The following CCDC85A variants were observed in gnomAD, a reference collection of about 807,000 sequenced individuals.
The protein encoded by CCDC85A is coiled-coil domain-containing protein 85A.
Under a neutral mutation model 50.2 loss-of-function variants are expected in CCDC85A, and 38 were observed. The ratio of observed to expected loss-of-function variants is 0.76; its 90% CI spans 0.58 to 0.99. The LOEUF (loss-of-function observed/expected upper bound fraction) is 0.99. CCDC85A is among the 50% of genes least tolerant of loss of function. CCDC85A has a pLI of 0.00. For missense variants in CCDC85A, 820 were observed against 742.0 expected (o/e 1.11, Z -1.22); for synonymous variants, 366 against 301.4 (o/e 1.21, Z -2.22).
At chr2:56,364,955 C>A (rs1443368621) in intron 3 of CCDC85A, among the ~76,000 whole-genome samples, 1 of 152,166 alleles carries the variant, frequency 6.6e-6, no homozygotes, top group Non-Finnish European at 1.5e-5. Flanking sequence ...TCAATCTGTC[C>A]ACCACCAATC....
At chr2:56,294,265 C>T (rs762076791) in intron 2 of CCDC85A, among the ~76,000 whole-genome samples, 1 of 152,018 alleles carries the variant, frequency 6.6e-6, no homozygotes, top group African/African-American at 2.4e-5. Flanking sequence ...AGGAGGAGAA[C>T]AATACACACT....
intron 2 of CCDC85A, among the ~76,000 whole-genome samples, chr2:56,265,717 T>G (rs367981887): frequency 1.3e-5 from 2 of 152,120 alleles, no homozygotes; most frequent in East Asian, 1.9e-4. Context: ...AGTACAGACA[T>G]TATGGAAAAC....
At chr2:56,311,394 A>C (rs1046024375) in intron 2 of CCDC85A, among the ~76,000 whole-genome samples, 9 of 151,720 alleles carry the variant, frequency 5.9e-5, no homozygotes, top group Admixed American at 2.0e-4. Context: ...TTTTTTAGCT[A>C]TTCTGGTGAG....
intron 2 of CCDC85A, among the ~76,000 whole-genome samples, chr2:56,211,066 A>G (rs929519697): frequency 6.6e-6 from 1 of 152,052 alleles, no homozygotes; most frequent in Non-Finnish European, 1.5e-5. Flanking sequence ...TTATCTGACC[A>G]TTGTCAAGAG....
intron 5 of CCDC85A, among the ~76,000 whole-genome samples, chr2:56,380,485 A>T (rs550509549): frequency 6.6e-6 from 1 of 151,438 alleles, no homozygotes; most frequent in Non-Finnish European, 1.5e-5. Flanking sequence ...GCTTTAGCCC[A>T]GGAGTTTGAG....
chr2:56,336,039 C>T (rs1021638297), intron 2 of CCDC85A, among the ~76,000 whole-genome samples: 2 of 152,160 alleles, frequency 1.3e-5, no homozygotes, highest in Non-Finnish European at 2.9e-5. Context: ...AAGGGATAAA[C>T]AGTCAAGCCA....
In CCDC85A at chr2:56,336,453, C is replaced by G. The variant is rs142279895; in HGVS notation, c.1241-6426C>G. Among the ~76,000 whole-genome samples the G allele has an allele frequency of 2.1e-3, 318 of 152,270 alleles. 2 individuals are homozygous for G. Among genetic ancestry groups the G allele is most frequent in the African/African-American group, 7.0e-3 (292 of 41,542 alleles). The stretch of plus-strand genomic sequence containing the variant: ...GTAGGTGCAAGCCAGTGTGCCCAGC[C>G]TCCTCTTATACACTCTTAAAAATGC... On this transcript the variant is annotated intron_variant, in intron 2 of 5. Transcript: ENST00000407595.
chr2:56,196,129 T>C (rs919676747), intron 2 of CCDC85A, among the ~76,000 whole-genome samples: 18 of 152,214 alleles, frequency 1.2e-4, no homozygotes, highest in Admixed American at 1.1e-3. Flanking sequence ...CTATTTTTTC[T>C]CTCTTAAAAA....
At chr2:56,262,427 G>C (rs1670258989) in intron 2 of CCDC85A, among the ~76,000 whole-genome samples, 1 of 152,112 alleles carries the variant, frequency 6.6e-6, no homozygotes, top group Non-Finnish European at 1.5e-5. Context: ...AATACAAATG[G>C]ACTTCTGCCC....
At chr2:56,293,770 A>T (rs1671827064) in intron 2 of CCDC85A, among the ~76,000 whole-genome samples, 1 of 152,222 alleles carries the variant, frequency 6.6e-6, no homozygotes, top group Admixed American at 6.5e-5. Flanking sequence ...ATCTCACACC[A>T]GTTGGAATGG....
Position 56,184,170 on chromosome 2 carries a change from CG to C in CCDC85A, c.-450del. ...CTCCAAGCTAGGAGAGGGGAGAAGC[CG>C]GGGGCTGCAGCTGGGCAAGGGGGAG... On this transcript the variant is annotated 5_prime_UTR_variant, in exon 1 of 6. Coordinates refer to ENST00000407595, the MANE Select transcript of CCDC85A (RefSeq NM_001080433.2). The C allele has an allele frequency of 6.1e-6, 6 of 986,692 alleles. No homozygotes were observed. The highest frequency in any genetic ancestry group is 4.7e-5 in the South Asian group (1 of 21,290). 61.1% of individuals were successfully genotyped at this position (986,692 alleles called of 1,614,324 possible).
At chr2:56,198,134 G>A (rs1473407940) in intron 2 of CCDC85A, among the ~76,000 whole-genome samples, 2 of 152,204 alleles carry the variant, frequency 1.3e-5, no homozygotes, top group African/African-American at 4.8e-5. Context: ...TGTCTATGAG[G>A]GGTCAGATAA....
At chr2:56,274,530 A>C (rs1670841583) in intron 2 of CCDC85A, among the ~76,000 whole-genome samples, 1 of 152,200 alleles carries the variant, frequency 6.6e-6, no homozygotes. Flanking sequence ...CTTTGCTCTT[A>C]GGGCTTTCAA....
chr2:56,328,587 C>G (rs1212062336), intron 2 of CCDC85A, among the ~76,000 whole-genome samples: 2 of 152,190 alleles, frequency 1.3e-5, no homozygotes, highest in African/African-American at 2.4e-5. Flanking sequence ...CCTTCCTCGT[C>G]TGGTGGAAAT....
chr2:56,191,964 T>C (rs1305376807), intron 1 of CCDC85A, among the ~76,000 whole-genome samples: 1 of 152,198 alleles, frequency 6.6e-6, no homozygotes, highest in Non-Finnish European at 1.5e-5. Flanking sequence ...TTTTCTTTCT[T>C]GAGGGTGAGG....
At chr2:56,320,906 A>G (rs1673149249) in intron 2 of CCDC85A, among the ~76,000 whole-genome samples, 2 of 152,250 alleles carry the variant, frequency 1.3e-5, no homozygotes, top group African/African-American at 4.8e-5. Context: ...ATACTGGCAA[A>G]CCGAATCCAG....
At chr2:56,236,207 A>G (rs1267434110) in intron 2 of CCDC85A, among the ~76,000 whole-genome samples, 1 of 152,240 alleles carries the variant, frequency 6.6e-6, no homozygotes, top group Non-Finnish European at 1.5e-5. Context: ...GCCCCTATGC[A>G]GTACCTGGTA....
intron 2 of CCDC85A, among the ~76,000 whole-genome samples, chr2:56,245,970 A>G (rs189067160): frequency 6.6e-6 from 1 of 152,292 alleles, no homozygotes; most frequent in Non-Finnish European, 1.5e-5. Flanking sequence ...ATAGCAGCTG[A>G]AAACGTACTA....
At chr2:56,257,436 A>T (rs551203341) in intron 2 of CCDC85A, among the ~76,000 whole-genome samples, 1 of 152,282 alleles carries the variant, frequency 6.6e-6, no homozygotes, top group South Asian at 2.1e-4. Context: ...GTGAAAGAGG[A>T]AAATAAACAG....
Sources: gnomAD v4.1 joint callset for allele counts (sites outside exome capture counted in the v4.1 genomes callset) on GRCh38, gnomAD v4.1.1 for gene constraint, MANE v1.5 for transcripts, NCBI Gene and HGNC (gene_info 2026-07-23, HGNC 2026-07-21) for gene names.